CASK: variants seen among roughly 807,000 people sequenced by gnomAD.
The protein encoded by CASK is calcium/calmodulin dependent serine protein kinase, also known as peripheral plasma membrane protein CASK.
A neutral mutation model predicts 82.9 loss-of-function variants in CASK; 4 were observed. That is an observed-to-expected ratio of 0.05 (90% CI 0.02 to 0.11). The LOEUF (loss-of-function observed/expected upper bound fraction) is 0.11. Ranked by LOEUF, CASK falls within the 10% of genes least tolerant of loss-of-function variation. CASK has a pLI of 1.00. For synonymous variants in CASK, 259 were observed against 253.5 expected (o/e 1.02, Z -0.20); for missense variants, 358 against 720.9 (o/e 0.50, Z 5.76).
At chrX:41,630,718 A>T (rs1234123901) in intron 9 of CASK, among the ~76,000 whole-genome samples, 2 of 111,807 alleles carry the variant, frequency 1.8e-5, no homozygotes, top group Non-Finnish European at 3.8e-5. Flanking sequence ...AGAACATACC[A>T]ATAGGAGTGT....
At chrX:41,739,284 A>C in intron 5 of CASK, 100 bp downstream of exon 5, 2 of 586,954 alleles carry the variant, frequency 3.4e-6, no homozygotes, top group Non-Finnish European at 5.7e-6. Flanking sequence ...AGTAAAATTA[A>C]GATGTTCTTT....
intron 24 of CASK, among the ~76,000 whole-genome samples, chrX:41,532,308 G>A (rs1406380740): frequency 8.9e-6 from 1 of 112,134 alleles, no homozygotes; most frequent in African/African-American, 3.2e-5. Context: ...TATTGCCTAT[G>A]GTTGTTTTCA....
In CASK at chrX:41,713,061, G is replaced by C. The variant is rs367907814; in HGVS notation, c.429+26323C>G. On this transcript the variant is annotated intron_variant, in intron 5 of 26. Transcript: ENST00000378163. ...CGCTCTCCTGCACGGCTGGTTCTGC[G>C]TGAATTACTTTTTTTCTATTGCAAT... Among the ~76,000 whole-genome samples the C allele has an allele frequency of 2.7e-5, 3 of 111,872 alleles. No individual in the cohort carries two copies. In the Admixed American group the frequency reaches 2.8e-4, roughly 11 times the overall value.
At chrX:41,641,907 G>A (rs1263999154) in intron 8 of CASK, among the ~76,000 whole-genome samples, 9 of 46,138 alleles carry the variant, frequency 2.0e-4, no homozygotes, top group Admixed American at 1.8e-3. Context: ...CCCCCGACCC[G>A]ACGACAGGCC....
intron 5 of CASK, among the ~76,000 whole-genome samples, chrX:41,672,878 A>C (rs2147499345): frequency 8.9e-6 from 1 of 112,302 alleles, no homozygotes; most frequent in South Asian, 3.7e-4. Context: ...GAGCAGGCAA[A>C]CCTCTACCGA....
At chrX:41,598,770 T>C (rs1416088335) in intron 12 of CASK, among the ~76,000 whole-genome samples, 1 of 112,100 alleles carries the variant, frequency 8.9e-6, no homozygotes, top group African/African-American at 3.2e-5. Context: ...CATTTTTCTT[T>C]TTTGACGTGC....
intron 12 of CASK, among the ~76,000 whole-genome samples, chrX:41,602,719 C>CTT (rs34064822): frequency 1.6e-4 from 12 of 75,191 alleles, no homozygotes; most frequent in African/African-American, 1.9e-4. Flanking sequence ...TGCTTAGCGG[C>CTT]TTTTTTTTTT....
chrX:41,842,973 T>C (rs2147950900), intron 2 of CASK, among the ~76,000 whole-genome samples: 1 of 112,232 alleles, frequency 8.9e-6, no homozygotes, highest in African/African-American at 3.2e-5. Context: ...GATTTTTCAC[T>C]GCTTGTGTAT....
intron 11 of CASK, among the ~76,000 whole-genome samples, chrX:41,612,090 GC>G (rs1352729249): frequency 8.9e-5 from 10 of 112,503 alleles, no homozygotes; most frequent in African/African-American, 2.9e-4. Context: ...CTCCCAAAGT[GC>G]CGAGAGTGCA....
At chrX:41,890,239 T>C (rs1345950307) in intron 1 of CASK, among the ~76,000 whole-genome samples, 1 of 22,433 alleles carries the variant, frequency 4.5e-5, no homozygotes, top group African/African-American at 3.4e-4. Flanking sequence ...TGTGTGTGTG[T>C]ATGTGTGTGT....
chrX:41,708,245 T>C (rs1463063861), intron 5 of CASK, among the ~76,000 whole-genome samples: 1 of 111,685 alleles, frequency 9.0e-6, no homozygotes, highest in Non-Finnish European at 1.9e-5. Flanking sequence ...CTTCATTAGG[T>C]GAAAATACTT....
rs192054598 is a variant in CASK at position 41,579,549 on chromosome X, C to T, written c.1315-1021G>A. Among the ~76,000 whole-genome samples the T allele has an allele frequency of 4.9e-3, 552 of 111,764 alleles. 4 individuals are homozygous for T. Among genetic ancestry groups the T allele is most frequent in the African/African-American group, 0.017 (532 of 30,833 alleles). On this transcript the variant is annotated intron_variant, in intron 14 of 26. Coordinates refer to ENST00000378163, the MANE Select transcript of CASK (RefSeq NM_001367721.1). ...TTTGTGCCATCATAATAAACCCTTT[C>T]TATTAAGCATAAATATTTGAACATT...
chrX:41,784,229 C>T (rs917318332), intron 3 of CASK, among the ~76,000 whole-genome samples: 1 of 111,738 alleles, frequency 8.9e-6, no homozygotes, highest in African/African-American at 3.3e-5. Flanking sequence ...AGCCTAACTT[C>T]AAAGAGATGG....
intron 14 of CASK, among the ~76,000 whole-genome samples, chrX:41,582,027 T>C (rs1404609863): frequency 9.0e-6 from 1 of 110,813 alleles, no homozygotes; most frequent in Non-Finnish European, 1.9e-5. Context: ...CCAGCTTACA[T>C]CCCAACCATC....
chrX:41,579,818 C>T (rs1458524196), intron 14 of CASK, among the ~76,000 whole-genome samples: 1 of 109,279 alleles, frequency 9.2e-6, no homozygotes, highest in African/African-American at 3.3e-5. Context: ...TAAAGGCATG[C>T]ATACGAGGCA....
intron 12 of CASK, among the ~76,000 whole-genome samples, chrX:41,591,070 A>T (rs2065737618): frequency 8.9e-6 from 1 of 112,188 alleles, no homozygotes; most frequent in South Asian, 3.7e-4. Flanking sequence ...TATTTAAAAC[A>T]TTATATTAAC....
chrX:41,849,757 C>CAT (rs1420587510), intron 2 of CASK, among the ~76,000 whole-genome samples: 1 of 112,191 alleles, frequency 8.9e-6, no homozygotes, highest in Non-Finnish European at 1.9e-5. Flanking sequence ...AAAAATATCT[C>CAT]ATCTGTTATG....
intron 21 of CASK, among the ~76,000 whole-genome samples, chrX:41,552,020 G>A (rs757319508): frequency 2.8e-5 from 3 of 107,327 alleles, no homozygotes; most frequent in South Asian, 8.4e-4. Context: ...TCCACTTCTC[G>A]GGCTCAAGCA....
chrX:41,575,987 T>A (rs2065478968), intron 15 of CASK, among the ~76,000 whole-genome samples: 2 of 109,464 alleles, frequency 1.8e-5, no homozygotes, highest in African/African-American at 6.7e-5. Flanking sequence ...CTTTTCTTTT[T>A]TTTTTGAAAC....
Sources: allele counts gnomAD v4.1 joint callset (sites outside exome capture counted in the v4.1 genomes callset), GRCh38; gene constraint gnomAD v4.1.1; transcripts MANE v1.5; gene names NCBI Gene and HGNC (gene_info 2026-07-23, HGNC 2026-07-21).